The following PTPRJ variants were observed in gnomAD, a reference collection of about 807,000 sequenced individuals.
PTPRJ encodes the protein receptor-type tyrosine-protein phosphatase eta.
A neutral mutation model predicts 141.3 loss-of-function variants in PTPRJ; 129 were observed. That is an observed-to-expected ratio of 0.91 (90% CI 0.79 to 1.06). The LOEUF (loss-of-function observed/expected upper bound fraction) is 1.06, where lower values mean the gene tolerates loss of function less well. PTPRJ is among the 50% of genes least tolerant of loss of function. PTPRJ has a pLI of 0.00. For missense variants in PTPRJ, 1,601 were observed against 1,679.7 expected (o/e 0.95, Z 0.82); for synonymous variants, 610 against 640.5 (o/e 0.95, Z 0.72).
At chr11:48,100,888 G>GA (rs71457246) in intron 1 of PTPRJ, among the ~76,000 whole-genome samples, 7,462 of 90,332 alleles carry the variant, frequency 0.083, 226 homozygotes, top group Non-Finnish European at 0.1. Context: ...GTCTCAAAAA[G>GA]AAAAAAAAAA....
intron 1 of PTPRJ, among the ~76,000 whole-genome samples, chr11:48,021,666 C>T (rs1220821122): frequency 3.3e-5 from 5 of 152,088 alleles, no homozygotes; most frequent in African/African-American, 1.2e-4. Context: ...TGCCCCTCCT[C>T]CCCCAAGCAT....
chr11:48,049,552 AAAC>A (rs1046081126), intron 1 of PTPRJ, among the ~76,000 whole-genome samples: 1 of 148,940 alleles, frequency 6.7e-6, no homozygotes, highest in African/African-American at 2.6e-5. Flanking sequence ...AAACAAAACA[AAAC>A]AAAACAAAAC....
At chr11:48,144,443 C>T (rs1461682928) in intron 12 of PTPRJ, among the ~76,000 whole-genome samples, 1 of 152,200 alleles carries the variant, frequency 6.6e-6, no homozygotes, top group Non-Finnish European at 1.5e-5. Context: ...CCTTCGTTTT[C>T]TTGTCTGTAA....
rs188676138 is a variant in PTPRJ, at chr11:48,168,678, C to T, written c.*1316C>T. On this transcript the variant is annotated 3_prime_UTR_variant, in exon 25 of 25. Coordinates refer to ENST00000418331, the MANE Select transcript of PTPRJ (RefSeq NM_002843.4). Reference sequence around the variant, plus strand: ...AATTATTATTTTTAAAACCTTTTCACTATACTGCTGCTGTAATTACTTTGA... The same window carrying T: ...AATTATTATTTTTAAAACCTTTTCATTATACTGCTGCTGTAATTACTTTGA... The T allele has an allele frequency of 2.7e-5, 4 of 146,904 alleles. No individual in the cohort carries two copies. Among genetic ancestry groups the T allele is most frequent in the African/African-American group, 7.5e-5 (3 of 40,086 alleles). 9.1% of individuals were successfully genotyped at this position (146,904 alleles called of 1,614,324 possible).
At position 48,164,436 on chromosome 11, in the gene PTPRJ, T is replaced by C. The variant is rs1190422297; in HGVS notation, c.3776T>C (p.Ile1259Thr). ...FIAIDRLIYQ[I>T]ENENTVDVYG... ...GCCATTGATCGTCTCATCTACCAGA[T>C]AGAGAATGAGAACACCGTGGATGTG... The change falls in exon 24 of 25, where the codon ATA (isoleucine) becomes ACA (threonine). Residue 1259 changes from isoleucine (I) to threonine (T), a missense_variant. By Grantham distance (89) the Ile-to-Thr change is moderately conservative. Coordinates refer to ENST00000418331, the MANE Select transcript of PTPRJ (RefSeq NM_002843.4). 7 of 1,613,960 alleles carry C rather than the reference T, an allele frequency of 4.3e-6. No individual in the cohort carries two copies. The Middle Eastern group carries it at 4.9e-4, about 114-fold the overall frequency.
At chr11:48,127,674 A>G (rs1299400508) in intron 6 of PTPRJ, 106 bp from the exon 7 acceptor site, 2 of 1,192,380 alleles carry the variant, frequency 1.7e-6, no homozygotes, top group East Asian at 2.4e-5. Context: ...AGGAAGGAAC[A>G]CTCCCCCAGG....
chr11:48,106,279 C>T (rs1025737633), intron 1 of PTPRJ, among the ~76,000 whole-genome samples: 1 of 152,132 alleles, frequency 6.6e-6, no homozygotes, highest in Admixed American at 6.5e-5. Flanking sequence ...CAAAAATACA[C>T]GGCCGTAGAT....
chr11:48,083,796 G>A (rs748111718), intron 1 of PTPRJ, among the ~76,000 whole-genome samples: 1 of 152,188 alleles, frequency 6.6e-6, no homozygotes, highest in Non-Finnish European at 1.5e-5. Flanking sequence ...GAAGTTCTTG[G>A]ACCTTAGTCT....
At chr11:48,055,645 C>T (rs1016635199) in intron 1 of PTPRJ, among the ~76,000 whole-genome samples, 1 of 152,202 alleles carries the variant, frequency 6.6e-6, no homozygotes, top group Non-Finnish European at 1.5e-5. Context: ...TACTGACAGA[C>T]ATCCCTGTGC....
At chr11:48,156,960 G>A (rs764492869) in intron 21 of PTPRJ, among the ~76,000 whole-genome samples, 11 of 151,516 alleles carry the variant, frequency 7.3e-5, no homozygotes, top group Non-Finnish European at 8.8e-5. Context: ...CTCCTGCAAC[G>A]TCCTGAAATC....
At chr11:48,006,931 A>G (rs753299632) in intron 1 of PTPRJ, among the ~76,000 whole-genome samples, 115 of 152,100 alleles carry the variant, frequency 7.6e-4, no homozygotes, top group Non-Finnish European at 1.3e-3. Flanking sequence ...TGAAATGAAT[A>G]CCTTTGTCTT....
intron 10 of PTPRJ, among the ~76,000 whole-genome samples, chr11:48,138,338 C>T (rs1346127720): frequency 1.3e-5 from 2 of 152,220 alleles, no homozygotes; most frequent in African/African-American, 4.8e-5. Context: ...TTATTTGTAG[C>T]CTATAGCAAG....
chr11:48,131,619 T>G, intron 8 of PTPRJ: 1 of 743,316 alleles, frequency 1.3e-6, no homozygotes, highest in Non-Finnish European at 2.5e-6. Flanking sequence ...AATAAAGTTT[T>G]ATTGGATCAC....
chr11:48,060,051 C>T (rs1173990923), intron 1 of PTPRJ, among the ~76,000 whole-genome samples: 1 of 152,140 alleles, frequency 6.6e-6, no homozygotes, highest in African/African-American at 2.4e-5. Flanking sequence ...TAAGTGAACT[C>T]CCCTGGTAAA....
intron 1 of PTPRJ, among the ~76,000 whole-genome samples, chr11:48,029,595 G>A (rs1349491778): frequency 6.6e-6 from 1 of 152,152 alleles, no homozygotes; most frequent in Non-Finnish European, 1.5e-5. Context: ...TAAGTTAGTT[G>A]GTATGAAATT....
chr11:48,033,500 G>A lies in PTPRJ; in HGVS notation c.96+52492G>A, dbSNP rs940046268. Among the ~76,000 whole-genome samples, 19 of 152,260 alleles carry A rather than the reference G, an allele frequency of 1.2e-4. 1 individual carries two copies. The highest frequency in any genetic ancestry group is 3.9e-4 in the African/African-American group (16 of 41,542). ...GGTGGTGCATGTGTCCAGGCTCAGCGGATGTTCCTGGGATACAAGTACCTG... is the reference window on the plus strand; with the variant it reads ...GGTGGTGCATGTGTCCAGGCTCAGCAGATGTTCCTGGGATACAAGTACCTG... On this transcript the variant is annotated intron_variant, in intron 1 of 24. Transcript: ENST00000418331.
intron 1 of PTPRJ, among the ~76,000 whole-genome samples, chr11:48,073,661 G>A (rs1180733032): frequency 1.3e-5 from 2 of 150,756 alleles, no homozygotes; most frequent in African/African-American, 4.9e-5. Flanking sequence ...TCCCTTGATC[G>A]GTTTTTCCTT....
intron 1 of PTPRJ, among the ~76,000 whole-genome samples, chr11:48,077,049 A>G (rs1855424430): frequency 6.6e-6 from 1 of 152,066 alleles, no homozygotes; most frequent in Non-Finnish European, 1.5e-5. Flanking sequence ...GTATTTTAGT[A>G]GAGACGGGGT....
At chr11:48,074,881 A>C (rs1855359377) in intron 1 of PTPRJ, among the ~76,000 whole-genome samples, 1 of 152,170 alleles carries the variant, frequency 6.6e-6, no homozygotes, top group Admixed American at 6.5e-5. Context: ...TGCTCTCAGC[A>C]TGGAAGAATC....
Sources: gnomAD v4.1 joint callset for allele counts (sites outside exome capture counted in the v4.1 genomes callset) on GRCh38, gnomAD v4.1.1 for gene constraint, MANE v1.5 for transcripts, NCBI Gene and HGNC (gene_info 2026-07-23, HGNC 2026-07-21) for gene names.